Variants in OSMR observed in about 807,000 individuals in gnomAD.
The protein encoded by OSMR is oncostatin-M-specific receptor subunit beta.
OSMR carries 81 observed loss-of-function variants against 99.9 expected under a neutral mutation model. The observed-to-expected ratio is 0.81, with a 90% CI of 0.68 to 0.97. OSMR has a LOEUF of 0.97. Ranked by LOEUF, OSMR falls within the 50% of genes least tolerant of loss-of-function variation. The pLI is 0.00. For synonymous variants in OSMR, 406 were observed against 410.4 expected (o/e 0.99, Z 0.13); for missense variants, 1,099 against 1,153.4 (o/e 0.95, Z 0.68).
At chr5:38,920,015 A>G (rs193058316) in intron 11 of OSMR, among the ~76,000 whole-genome samples, 1 of 152,344 alleles carries the variant, frequency 6.6e-6, no homozygotes, top group East Asian at 1.9e-4. Flanking sequence ...TAGAGAAAGA[A>G]GTTATATTCT....
intron 15 of OSMR, among the ~76,000 whole-genome samples, chr5:38,926,203 C>T (rs1303754602): frequency 6.6e-6 from 1 of 152,128 alleles, no homozygotes; most frequent in Non-Finnish European, 1.5e-5. Context: ...AAAAGGCTTG[C>T]CTGAAGTTAC....
chr5:38,895,033 A>C (rs1175458768), intron 7 of OSMR, among the ~76,000 whole-genome samples: 1 of 152,116 alleles, frequency 6.6e-6, no homozygotes, highest in East Asian at 1.9e-4. Context: ...AAGAAATTAA[A>C]AAATTCTTGG....
intron 1 of OSMR, among the ~76,000 whole-genome samples, chr5:38,863,126 T>G (rs1210250377): frequency 6.9e-6 from 1 of 144,112 alleles, no homozygotes; most frequent in Non-Finnish European, 1.5e-5. Flanking sequence ...ACAGTCCAGC[T>G]TCGGCTCGGC....
chr5:38,903,784 CTTG>C, intron 7 of OSMR, 95 bp from the exon 8 acceptor site: 4 of 1,527,118 alleles, frequency 2.6e-6, no homozygotes, highest in Non-Finnish European at 3.5e-6. Flanking sequence ...AACAAAAATA[CTTG>C]TTGAACAAAT....
Position 38,919,002 on chromosome 5 carries a change from A to G in OSMR, c.1525A>G (p.Asn509Asp), listed in dbSNP as rs934225340. The change falls in exon 11 of 18, where the codon AAC (asparagine) becomes GAC (aspartate). Residue 509 changes from asparagine to aspartate, a missense_variant. Transcript: ENST00000274276. The part of the protein sequence containing the change: ...RCSYQICVIA[N>D]NSVGASPASV... ...TTCCTACCAAATCTGCGTCATAGCC[A>G]ACAACAGTGTGGGTGCTTCTCCTGC... 3.7e-6 allele frequency: 6 copies of G among 1,614,184 alleles called. No individual in the cohort carries two copies. Among genetic ancestry groups the G allele is most frequent in the East Asian group, 2.2e-5 (1 of 44,890 alleles).
In OSMR at chr5:38,919,015, G is replaced by T; in HGVS notation, c.1538G>T (p.Gly513Val). The T allele has an allele frequency of 6.2e-7, 1 of 1,614,088 alleles. No homozygotes were observed. The highest frequency in any genetic ancestry group is 8.5e-7 in the Non-Finnish European group (1 of 1,179,972). Residue 513 changes from glycine to valine, a missense_variant, in exon 11 of 18, where the codon GGT (glycine) becomes GTT (valine). Transcript: ENST00000274276. ...TGCGTCATAGCCAACAACAGTGTGG[G>T]TGCTTCTCCTGCTTCTGTAATAGTC... is the stretch of plus-strand genomic sequence containing the variant. The part of the protein sequence containing the change: ...QICVIANNSV[G>V]ASPASVIVIS...
intron 1 of OSMR, among the ~76,000 whole-genome samples, chr5:38,852,973 C>T (rs537886783): frequency 5.3e-5 from 8 of 151,958 alleles, no homozygotes; most frequent in South Asian, 2.1e-4. Context: ...CCTCGTGATC[C>T]GCCCGCCTCG....
intron 1 of OSMR, chr5:38,943,224 T>C (rs1047379961): frequency 1.4e-5 from 5 of 360,784 alleles, no homozygotes. Context: ...CATTCTTTTT[T>C]ATTGGCATGA....
chr5:38,927,466 C>T (rs1274957346), intron 15 of OSMR, among the ~76,000 whole-genome samples: 1 of 152,242 alleles, frequency 6.6e-6, no homozygotes, highest in Non-Finnish European at 1.5e-5. Flanking sequence ...CCCACAGGCT[C>T]AACATCACAT....
intron 1 of OSMR, among the ~76,000 whole-genome samples, chr5:38,861,626 C>G (rs1431144659): frequency 6.6e-6 from 1 of 152,260 alleles, no homozygotes; most frequent in African/African-American, 2.4e-5. Context: ...TCTCAATGAG[C>G]TGTTGGGTTC....
At chr5:38,861,608 C>T (rs942081729) in intron 1 of OSMR, among the ~76,000 whole-genome samples, 4 of 152,262 alleles carry the variant, frequency 2.6e-5, no homozygotes, top group East Asian at 3.8e-4. Context: ...ATTGTCATCC[C>T]GGCCCGCTCT....
chr5:38,930,822 T>TATA (rs1424239473), intron 15 of OSMR, among the ~76,000 whole-genome samples: 2 of 152,174 alleles, frequency 1.3e-5, no homozygotes, highest in East Asian at 1.9e-4. Context: ...AGGAGGATTA[T>TATA]ATAATTGTTT....
rs376507097 is a variant in OSMR at position 38,876,190 on chromosome 5, G to T, written c.74-11G>T. On this transcript the variant is annotated splice_polypyrimidine_tract_variant and intron_variant, in intron 2 of 17. Transcript: ENST00000274276. ...TAAATATTATTTCATACTTCATTTTGATCTTTTCAGTCTTGGCTGAACGTT... is the reference window on the plus strand; with the variant it reads ...TAAATATTATTTCATACTTCATTTTTATCTTTTCAGTCTTGGCTGAACGTT... 1.9e-5 allele frequency: 30 copies of T among 1,607,716 alleles called. No individual in the cohort carries two copies. The African/African-American group carries it at 3.9e-4, about 21-fold the overall frequency.
chr5:38,852,387 C>A (rs1410324069), intron 1 of OSMR, among the ~76,000 whole-genome samples: 1 of 152,120 alleles, frequency 6.6e-6, no homozygotes, highest in African/African-American at 2.4e-5. Flanking sequence ...GTCAAATGGA[C>A]CTCTGTAAGG....
At chr5:38,926,832 C>T (rs1299315045) in intron 15 of OSMR, among the ~76,000 whole-genome samples, 3 of 152,092 alleles carry the variant, frequency 2.0e-5, no homozygotes, top group Non-Finnish European at 4.4e-5. Flanking sequence ...AGTCCAAGTC[C>T]AAAGTCTAAT....
intron 2 of OSMR, among the ~76,000 whole-genome samples, chr5:38,871,022 T>C (rs1397693059): frequency 1.3e-5 from 2 of 152,180 alleles, no homozygotes; most frequent in African/African-American, 4.8e-5. Flanking sequence ...TAAAAGGTTA[T>C]AATTGCATTT....
At chr5:38,920,056 G>A (rs943112788) in intron 11 of OSMR, among the ~76,000 whole-genome samples, 2 of 152,066 alleles carry the variant, frequency 1.3e-5, no homozygotes, top group African/African-American at 4.8e-5. Flanking sequence ...AGGAAAAGGG[G>A]GCATTTCATT....
intron 1 of OSMR, among the ~76,000 whole-genome samples, chr5:38,857,789 T>TC (rs1487991148): frequency 6.6e-6 from 1 of 152,140 alleles, no homozygotes; most frequent in African/African-American, 2.4e-5. Flanking sequence ...TGCTTCAGCC[T>TC]CCCGAGTAGC....
rs1375767559 is a variant in OSMR at position 38,904,309 on chromosome 5, G to A, written c.1135-44G>A. ...ATGCACTCACCAATGTTTCTGTCTT[G>A]TTCTTTTCTCTTTTTTCTTTTCTTC... is the stretch of plus-strand genomic sequence containing the variant. On this transcript the variant is annotated intron_variant, in intron 8 of 17. Transcript: ENST00000274276. 1.9e-6 allele frequency: 3 copies of A among 1,587,670 alleles called. No individual in the cohort carries two copies. In the African/African-American group the frequency reaches 4.0e-5, roughly 21 times the overall value.
Sources: gnomAD v4.1 joint callset for allele counts (sites outside exome capture counted in the v4.1 genomes callset) on GRCh38, gnomAD v4.1.1 for gene constraint, MANE v1.5 for transcripts, NCBI Gene and HGNC (gene_info 2026-07-23, HGNC 2026-07-21) for gene names.